MBP: variants seen among roughly 807,000 people sequenced by gnomAD.
MBP encodes the protein myelin basic protein, also known as Golli-MBP.
Under a neutral mutation model 35.8 loss-of-function variants are expected in MBP, and 16 were observed. The observed-to-expected ratio is 0.45, with a 90% CI of 0.30 to 0.68. The LOEUF is 0.68. MBP is among the 30% of genes least tolerant of loss of function. The pLI, the probability that MBP is intolerant of heterozygous loss-of-function variation, is 0.08. For synonymous variants in MBP, 143 were observed against 159.6 expected, an observed-to-expected ratio of 0.90 and a Z score of 0.78; for missense variants, 380 against 404.7, an observed-to-expected ratio of 0.94 and a Z score of 0.52.
intron 3 of MBP, among the ~76,000 whole-genome samples, chr18:77,026,418 A>T (rs1018904561): frequency 6.6e-6 from 1 of 152,212 alleles, no homozygotes; most frequent in Non-Finnish European, 1.5e-5. Context: ...AATAAAACAT[A>T]ACGCAGAAAT....
intron 3 of MBP, among the ~76,000 whole-genome samples, chr18:77,059,553 T>A: frequency 6.6e-6 from 1 of 151,704 alleles, no homozygotes; most frequent in Non-Finnish European, 1.5e-5. Context: ...ATTAATTAAT[T>A]TTTATCTAAT....
chr18:77,088,599 A>G (rs770008888), intron 2 of MBP, among the ~76,000 whole-genome samples: 5 of 152,250 alleles, frequency 3.3e-5, no homozygotes, highest in Non-Finnish European at 7.3e-5. Flanking sequence ...ATTGTAAATC[A>G]TTAGCATTGG....
chr18:76,990,853 C>G (rs528501743), intron 4 of MBP: 48 of 269,704 alleles, frequency 1.8e-4, no homozygotes, highest in South Asian at 1.2e-3. Context: ...CTGGCAGCAG[C>G]GGGTTTGGGT....
intron 2 of MBP, among the ~76,000 whole-genome samples, chr18:77,094,689 C>A (rs1975685200): frequency 6.6e-6 from 1 of 152,162 alleles, no homozygotes; most frequent in South Asian, 2.1e-4. Context: ...GGAAACACCC[C>A]AATTTTTCTC....
intron 3 of MBP, among the ~76,000 whole-genome samples, chr18:77,058,418 C>G (rs943716237): frequency 6.6e-6 from 1 of 152,190 alleles, no homozygotes; most frequent in Non-Finnish European, 1.5e-5. Flanking sequence ...GCCAACGCCC[C>G]GCACAGCTCG....
At chr18:77,062,995 C>A (rs531460806) in intron 3 of MBP, among the ~76,000 whole-genome samples, 1 of 152,282 alleles carries the variant, frequency 6.6e-6, no homozygotes, top group African/African-American at 2.4e-5. Context: ...ATGACCATCA[C>A]ACGATCACGG....
In MBP at chr18:76,979,729, C is replaced by G. The variant is rs1000617089; in HGVS notation, c.*698G>C. ...CTATGTGAGGCCATTGCCCAGCCCA[C>G]GTTTGCCTCCTTTTCCTCCCTCTGC... On this transcript the variant is annotated 3_prime_UTR_variant, in exon 9 of 9. Coordinates refer to ENST00000355994, the MANE Select transcript of MBP (RefSeq NM_001025101.2). 4 of 568,480 alleles carry G rather than the reference C, an allele frequency of 7.0e-6. No homozygotes were observed. The Admixed American group carries it at 9.4e-5, about 13-fold the overall frequency. The allele number at this position is 568,480 out of a possible 1,614,324, so 35.2% of individuals were successfully genotyped here.
In MBP at chr18:77,066,287, G is replaced by A; in HGVS notation, c.139+11C>T. 6.2e-7 allele frequency: 1 copy of A among 1,609,750 alleles called. No homozygotes were observed. Among genetic ancestry groups the A allele is most frequent in the Non-Finnish European group, 8.5e-7 (1 of 1,177,152 alleles). On this transcript the variant is annotated intron_variant, in intron 3 of 8. Coordinates refer to ENST00000355994, the MANE Select transcript of MBP (RefSeq NM_001025101.2). ...ATGTGGCGCCATGTTGCCGATATCTGCGTCACCTACCGAACACTTCGTTGT... is the reference window on the plus strand; with the variant it reads ...ATGTGGCGCCATGTTGCCGATATCTACGTCACCTACCGAACACTTCGTTGT...
At chr18:77,058,208 C>A (rs1973820402) in intron 3 of MBP, among the ~76,000 whole-genome samples, 1 of 152,198 alleles carries the variant, frequency 6.6e-6, no homozygotes, top group Non-Finnish European at 1.5e-5. Context: ...CCCTCCCCAG[C>A]CCTGGACGTC....
chr18:77,060,437 C>T (rs1450133926), intron 3 of MBP, among the ~76,000 whole-genome samples: 2 of 140,332 alleles, frequency 1.4e-5, no homozygotes, highest in East Asian at 2.1e-4. Context: ...TAACTGTTTT[C>T]TCTCTCTCTC....
intron 2 of MBP, among the ~76,000 whole-genome samples, chr18:77,073,604 A>G (rs1332755947): frequency 2.6e-5 from 4 of 152,240 alleles, no homozygotes; most frequent in Non-Finnish European, 5.9e-5. Context: ...GCAGGGAGAC[A>G]CTATATCTCC....
intron 7 of MBP, chr18:76,986,526 C>G: frequency 1.0e-6 from 1 of 985,590 alleles, no homozygotes; most frequent in Non-Finnish European, 1.2e-6. Context: ...GTGAGCATGG[C>G]CACTCAGAAC....
intron 1 of MBP, among the ~76,000 whole-genome samples, chr18:77,128,794 C>T (rs996762233): frequency 3.9e-5 from 6 of 152,188 alleles, no homozygotes; most frequent in African/African-American, 1.4e-4. Context: ...ACCAGGTTTT[C>T]CCTAGAGGAG....
intron 2 of MBP, among the ~76,000 whole-genome samples, chr18:77,081,841 C>CAT (rs1261453243): frequency 7.6e-4 from 31 of 41,048 alleles, no homozygotes; most frequent in African/African-American, 1.4e-3. Flanking sequence ...CACACACACA[C>CAT]ATATATATAT....
chr18:77,059,036 G>A (rs1388177204), intron 3 of MBP, among the ~76,000 whole-genome samples: 8 of 152,152 alleles, frequency 5.3e-5, no homozygotes, highest in Admixed American at 6.5e-5. Flanking sequence ...TTCAGCCACG[G>A]GAAGGGCAGT....
In MBP at chr18:77,009,464, A is replaced by G. The variant is rs779394627; in HGVS notation, c.576+7368T>C. On this transcript the variant is annotated intron_variant, in intron 4 of 8. Transcript: ENST00000355994. The stretch of plus-strand genomic sequence containing the variant: ...ACTAGTTTTCAAAGCAAACTCGGGT[A>G]TGCACGTGGCCATAGACCAGGCCAG... 2.1e-4 allele frequency among the ~76,000 whole-genome samples: 32 copies of G among 152,234 alleles called. 1 individual carries two copies. Among genetic ancestry groups the G allele is most frequent in the Non-Finnish European group, 8.8e-5 (6 of 68,042 alleles).
At chr18:77,089,984 T>C (rs1489341327) in intron 2 of MBP, among the ~76,000 whole-genome samples, 1 of 152,182 alleles carries the variant, frequency 6.6e-6, no homozygotes, top group Non-Finnish European at 1.5e-5. Context: ...ACAGTACTGC[T>C]GGTACACCTC....
chr18:77,064,240 T>C (rs958505250), intron 3 of MBP, among the ~76,000 whole-genome samples: 10 of 152,208 alleles, frequency 6.6e-5, no homozygotes, highest in African/African-American at 2.2e-4. Flanking sequence ...TTCAAACTCA[T>C]AGATTGTCTA....
At position 77,131,240 on chromosome 18, in the gene MBP, G is replaced by A. The variant is rs1977260695; in HGVS notation, c.-26+1340C>T. ...GCTAAGGAGGTGCTCATCACTGGAG[G>A]TGGCCGCCAGGGAGCTCAGTGCGGG... On this transcript the variant is annotated intron_variant, in intron 1 of 8. Coordinates refer to ENST00000355994, the MANE Select transcript of MBP (RefSeq NM_001025101.2). The surrounding 1 kb of genome is among the most constrained non-coding windows in gnomAD (Gnocchi z 5.5). 2.0e-5 allele frequency among the ~76,000 whole-genome samples: 3 copies of A among 152,232 alleles called. No homozygotes were observed. Among genetic ancestry groups the A allele is most frequent in the East Asian group, 1.9e-4 (1 of 5,174 alleles).
Sources: gnomAD v4.1 joint callset for allele counts (sites outside exome capture counted in the v4.1 genomes callset) on GRCh38, gnomAD v4.1.1 for gene constraint, Gnocchi (gnomAD v3.1) non-coding constraint, MANE v1.5 for transcripts, NCBI Gene and HGNC (gene_info 2026-07-23, HGNC 2026-07-21) for gene names.